Variants in ASIC2 observed in about 807,000 individuals in gnomAD.
The protein encoded by ASIC2 is acid sensing ion channel subunit 2.
In ASIC2, 25 loss-of-function variants were observed where a neutral mutation model predicts 57.3. That is an observed-to-expected ratio of 0.44 (90% CI 0.32 to 0.61). ASIC2 has a LOEUF of 0.61. Among genes scored for constraint, ASIC2 ranks in the 20% least tolerant of loss-of-function variants. ASIC2 has a pLI of 0.06. For synonymous variants in ASIC2, 319 were observed against 307.5 expected (o/e 1.04, Z -0.39); for missense variants, 641 against 738.1 (o/e 0.87, Z 1.52).
chr17:33,498,559 G>A (rs1035408209), intron 1 of ASIC2, among the ~76,000 whole-genome samples: 10 of 152,166 alleles, frequency 6.6e-5, no homozygotes, highest in South Asian at 4.1e-4. Context: ...GAAAGAAGGC[G>A]GCCTGGGGGA....
At chr17:33,241,246 C>T (rs1005883449) in intron 1 of ASIC2, among the ~76,000 whole-genome samples, 3 of 152,210 alleles carry the variant, frequency 2.0e-5, no homozygotes, top group African/African-American at 7.2e-5. Flanking sequence ...TTAAGACTTA[C>T]AGGATATTGG....
chr17:33,625,122 C>CCTCT, intron 1 of ASIC2, among the ~76,000 whole-genome samples: 1 of 108,874 alleles, frequency 9.2e-6, no homozygotes, highest in Non-Finnish European at 1.9e-5. Context: ...GACAATGTGG[C>CCTCT]CTCTCTGTCT....
chr17:33,692,543 A>G (rs1307762825), intron 1 of ASIC2: 2 of 152,226 alleles, frequency 1.3e-5, no homozygotes, highest in African/African-American at 2.4e-5. Context: ...ATCTAAAGCT[A>G]TCTAAACATA....
At chr17:33,288,715 G>GACACACACACACACAC (rs56013728) in intron 1 of ASIC2, among the ~76,000 whole-genome samples, 4 of 143,614 alleles carry the variant, frequency 2.8e-5, no homozygotes, top group East Asian at 2.1e-4. Flanking sequence ...AGCTCTCTCT[G>GACACACACACACACAC]ACACACACAC....
intron 1 of ASIC2, among the ~76,000 whole-genome samples, chr17:33,601,866 G>C (rs952283119): frequency 5.6e-4 from 85 of 152,246 alleles, no homozygotes; most frequent in African/African-American, 2.0e-3. Flanking sequence ...TTATTCTCCA[G>C]CTTTAAGACT....
chr17:33,961,310 G>A (rs1904912942), intron 1 of ASIC2, among the ~76,000 whole-genome samples: 2 of 152,218 alleles, frequency 1.3e-5, no homozygotes, highest in South Asian at 4.1e-4. Context: ...GTAGGACAAA[G>A]CCTCAGCATT....
At chr17:33,798,334 G>A (rs1428472136) in intron 1 of ASIC2, among the ~76,000 whole-genome samples, 1 of 152,174 alleles carries the variant, frequency 6.6e-6, no homozygotes, top group African/African-American at 2.4e-5. Context: ...GAAGGGTAGA[G>A]AATGTCTAAG....
intron 1 of ASIC2, among the ~76,000 whole-genome samples, chr17:34,013,033 T>C (rs972137996): frequency 9.2e-5 from 14 of 152,118 alleles, no homozygotes; most frequent in African/African-American, 2.9e-4. Context: ...CTCACTGAAA[T>C]AGTTGATCAT....
chr17:33,723,787 G>A (rs1238249643), intron 1 of ASIC2, among the ~76,000 whole-genome samples: 1 of 152,178 alleles, frequency 6.6e-6, no homozygotes, highest in Admixed American at 6.5e-5. Context: ...TGTTCTGGAT[G>A]GTGGTTCTCT....
chr17:34,138,601 C>T (rs1053859084), intron 1 of ASIC2, among the ~76,000 whole-genome samples: 16 of 152,228 alleles, frequency 1.1e-4, no homozygotes, highest in African/African-American at 3.6e-4. Flanking sequence ...CCCTTCTCCA[C>T]CAACCCTAGT....
At chr17:33,125,027 T>C (rs1055989076) in intron 1 of ASIC2, among the ~76,000 whole-genome samples, 4 of 152,184 alleles carry the variant, frequency 2.6e-5, no homozygotes, top group African/African-American at 4.8e-5. Context: ...CAGGCAGTAA[T>C]GCAAGCAATG....
intron 1 of ASIC2, among the ~76,000 whole-genome samples, chr17:33,538,920 G>A (rs1418409080): frequency 6.6e-6 from 1 of 152,172 alleles, no homozygotes; most frequent in Non-Finnish European, 1.5e-5. Context: ...AATCTATAAA[G>A]TGCATTTTAG....
At chr17:34,011,260 C>T (rs115246570) in intron 1 of ASIC2, among the ~76,000 whole-genome samples, 1,676 of 152,208 alleles carry the variant, frequency 0.011, 32 homozygotes, top group African/African-American at 0.038. Flanking sequence ...CACACATAGA[C>T]GCACATACCT....
intron 1 of ASIC2, among the ~76,000 whole-genome samples, chr17:33,870,056 C>G (rs900737399): frequency 2.0e-5 from 3 of 152,034 alleles, no homozygotes; most frequent in Non-Finnish European, 4.4e-5. Flanking sequence ...AAATGCATCT[C>G]TTGCTCTGAT....
intron 1 of ASIC2, among the ~76,000 whole-genome samples, chr17:33,994,138 A>G (rs1906083158): frequency 6.6e-6 from 1 of 152,208 alleles, no homozygotes; most frequent in Admixed American, 6.5e-5. Flanking sequence ...AGCCTATTAC[A>G]GAGCTGTCTG....
chr17:33,749,802 G>A (rs1243011862), intron 1 of ASIC2, among the ~76,000 whole-genome samples: 4 of 152,088 alleles, frequency 2.6e-5, no homozygotes, highest in African/African-American at 4.8e-5. Context: ...TTCTAAGTCC[G>A]TCCAAAGCCA....
chr17:33,610,076 A>ACT (rs1293908324), intron 1 of ASIC2, among the ~76,000 whole-genome samples: 1 of 151,962 alleles, frequency 6.6e-6, no homozygotes, highest in East Asian at 1.9e-4. Flanking sequence ...ACACACACAC[A>ACT]CACACACACA....
chr17:34,073,909 G>T (rs1909522305), intron 1 of ASIC2, among the ~76,000 whole-genome samples: 1 of 152,162 alleles, frequency 6.6e-6, no homozygotes, highest in South Asian at 2.1e-4. Context: ...CCAGCTCCCT[G>T]GGCTGAAGAA....
intron 1 of ASIC2, among the ~76,000 whole-genome samples, chr17:33,205,195 C>T (rs180892497): frequency 9.8e-5 from 15 of 152,344 alleles, no homozygotes; most frequent in Admixed American, 9.1e-4. Flanking sequence ...CCTGGCCCCA[C>T]AGGCCAGATG....
Sources: gnomAD v4.1 joint callset for allele counts (sites outside exome capture counted in the v4.1 genomes callset) on GRCh38, gnomAD v4.1.1 for gene constraint, MANE v1.5 for transcripts, NCBI Gene and HGNC (gene_info 2026-07-23, HGNC 2026-07-21) for gene names.